The following CDH18 variants were observed in gnomAD, a reference collection of about 807,000 sequenced individuals.
CDH18 encodes cadherin-18.
A neutral mutation model predicts 67.9 loss-of-function variants in CDH18; 31 were observed. That is an observed-to-expected ratio of 0.46 (90% confidence interval 0.34 to 0.62). The LOEUF is 0.62. CDH18 is among the 20% of genes least tolerant of loss of function. The probability of loss-of-function intolerance (pLI) is 0.01; values close to 1 mark genes in which losing one functional copy is unlikely to be tolerated. For missense variants in CDH18, 890 were observed against 975.5 expected, an observed-to-expected ratio of 0.91 and a Z score of 1.17; for synonymous variants, 362 against 347.2, an observed-to-expected ratio of 1.04 and a Z score of -0.48.
chr5:20,348,200 C>T (rs1017264540), intron 1 of CDH18, among the ~76,000 whole-genome samples: 2 of 152,184 alleles, frequency 1.3e-5, no homozygotes, highest in Non-Finnish European at 2.9e-5. Context: ...TAATCTTTCT[C>T]TCAAACCTGT....
rs34718835 is a variant in CDH18, at chr5:20,266,571, A to ATTTTTTTTT, written c.-579-11075_-579-11067dup. 6.5e-3 allele frequency among the ~76,000 whole-genome samples: 385 copies of ATTTTTTTTT among 59,178 alleles called. 18 individuals carry two copies. Among genetic ancestry groups the ATTTTTTTTT allele is most frequent in the African/African-American group, 0.021 (296 of 14,114 alleles). The allele number at this position is 59,178 out of a possible 152,430, so 38.8% of individuals were successfully genotyped here. A position where few individuals can be genotyped will look rare whatever the true frequency, so the allele number is the denominator to read the frequency against. ...GGCACGTGCCGGCACGCCCGGCTGA[A>ATTTTTTTTT]TTTTTTTTTTTTTTTTTTTTTTTTT... On this transcript the variant is annotated intron_variant, in intron 1 of 14. Transcript: ENST00000507958.
At chr5:19,845,763 T>A (rs1439211097) in intron 2 of CDH18, among the ~76,000 whole-genome samples, 1 of 152,004 alleles carries the variant, frequency 6.6e-6, no homozygotes, top group Non-Finnish European at 1.5e-5. Context: ...TGCCCTTATT[T>A]GTCTCTTCCT....
chr5:19,879,658 G>A (rs915420323), intron 2 of CDH18, among the ~76,000 whole-genome samples: 3 of 151,964 alleles, frequency 2.0e-5, no homozygotes, highest in Admixed American at 6.6e-5. Flanking sequence ...AGTTTCAGTT[G>A]AAGTATTTAG....
At chr5:20,359,578 T>C (rs1043424650) in intron 1 of CDH18, among the ~76,000 whole-genome samples, 3 of 152,222 alleles carry the variant, frequency 2.0e-5, no homozygotes, top group Non-Finnish European at 4.4e-5. Flanking sequence ...TGTTAAATTA[T>C]GTGAAGAGAA....
intron 1 of CDH18, among the ~76,000 whole-genome samples, chr5:20,565,563 T>C (rs897171203): frequency 6.6e-6 from 1 of 152,012 alleles, no homozygotes; most frequent in African/African-American, 2.4e-5. Flanking sequence ...CACTACAAAA[T>C]GTTTAAATTG....
At chr5:20,538,731 C>T (rs768498174) in intron 1 of CDH18, among the ~76,000 whole-genome samples, 5 of 151,658 alleles carry the variant, frequency 3.3e-5, no homozygotes, top group Non-Finnish European at 5.9e-5. Flanking sequence ...CTTAAGTCAG[C>T]TTCTCATCTT....
At chr5:19,845,118 C>T (rs1782772300) in intron 2 of CDH18, among the ~76,000 whole-genome samples, 1 of 151,720 alleles carries the variant, frequency 6.6e-6, no homozygotes, top group African/African-American at 2.4e-5. Flanking sequence ...AATATATATC[C>T]AAATTATAGT....
chr5:19,976,314 T>C (rs747270916), intron 2 of CDH18, among the ~76,000 whole-genome samples: 16 of 152,138 alleles, frequency 1.1e-4, no homozygotes, highest in Admixed American at 6.6e-4. Context: ...TCACAGATTC[T>C]GGCAATCTAC....
intron 2 of CDH18, among the ~76,000 whole-genome samples, chr5:19,925,349 G>A (rs1013088218): frequency 6.6e-6 from 1 of 152,102 alleles, no homozygotes; most frequent in Admixed American, 6.5e-5. Flanking sequence ...TGGGTCTTCT[G>A]GTGTTATTCA....
chr5:19,989,715 G>A (rs2150382791), upstream of CDH18, among the ~76,000 whole-genome samples: 1 of 152,264 alleles, frequency 6.6e-6, no homozygotes, highest in East Asian at 1.9e-4. Flanking sequence ...GTTTGAATCG[G>A]CTAAAGTTAT....
chr5:20,415,984 G>T (rs913913385), intron 1 of CDH18, among the ~76,000 whole-genome samples: 7 of 151,848 alleles, frequency 4.6e-5, no homozygotes, highest in Non-Finnish European at 7.4e-5. Context: ...AGAAACTGGG[G>T]CAAGGAAAAA....
At chr5:19,610,587 G>C (rs1312236725) in intron 6 of CDH18, among the ~76,000 whole-genome samples, 2 of 151,886 alleles carry the variant, frequency 1.3e-5, no homozygotes, top group African/African-American at 4.8e-5. Context: ...GTCTATTAAG[G>C]CTACAATATG....
rs183001193 is a variant in CDH18 at position 20,352,407 on chromosome 5, G to T, written c.-579-96902C>A. Among the ~76,000 whole-genome samples the T allele has an allele frequency of 8.6e-3, 1,311 of 151,996 alleles. 12 individuals are homozygous for T. Among genetic ancestry groups the T allele is most frequent in the Non-Finnish European group, 0.012 (795 of 67,956 alleles). On this transcript the variant is annotated intron_variant, in intron 1 of 14. Transcript: ENST00000507958. ...TATACATAGATTTTTGACTGTGTGG[G>T]GGGCCAGCACCCCAAATCTTGGTTG...
At chr5:19,975,496 G>A (rs1798416600) in intron 2 of CDH18, among the ~76,000 whole-genome samples, 1 of 152,056 alleles carries the variant, frequency 6.6e-6, no homozygotes, top group Non-Finnish European at 1.5e-5. Flanking sequence ...TGAAAGGCAA[G>A]GTCTAGGTTG....
At chr5:20,118,333 C>T (rs530301078) in intron 2 of CDH18, among the ~76,000 whole-genome samples, 2 of 152,186 alleles carry the variant, frequency 1.3e-5, no homozygotes, top group East Asian at 3.9e-4. Context: ...CTATTTATAG[C>T]TATTACTTGT....
chr5:20,163,440 CTTGTA>C (rs879429418), intron 2 of CDH18, among the ~76,000 whole-genome samples: 2 of 152,134 alleles, frequency 1.3e-5, no homozygotes, highest in East Asian at 1.9e-4. Flanking sequence ...GCTTCCCTCT[CTTGTA>C]TTGTCTTGTT....
In CDH18 at chr5:20,479,645, C is replaced by A. The variant is rs190656606; in HGVS notation, c.-580+95817G>T. Among the ~76,000 whole-genome samples, 32 of 152,104 alleles carry A rather than the reference C, an allele frequency of 2.1e-4. No homozygotes were observed. In the East Asian group the frequency reaches 5.8e-3, roughly 28 times the overall value. ...AGAAAATAGTCTTAACAGGGCAAAT[C>A]TAGGAGTTATTGGCCTTAAAATTAT... On this transcript the variant is annotated intron_variant, in intron 1 of 14. Coordinates refer to the CDH18 transcript ENST00000507958.
Position 19,838,777 on chromosome 5 carries a change from A to G in CDH18, c.210T>C (p.Asp70=), listed in dbSNP as rs1781948612. 6.2e-7 allele frequency: 1 copy of G among 1,611,290 alleles called. No individual in the cohort carries two copies. ...ATCTTACCTTTCCAACATACTGAGG[A>G]TCTGGTCCCATATGTTCTTCTAAAA... ...FFVLEEHMGP[D]PQYVGKLHSN... is the part of the protein sequence containing the mutation. Residue 70 remains aspartate (D), a synonymous_variant, in exon 3 of 13, where the codon GAT becomes GAC. Transcript: ENST00000382275.
intron 3 of CDH18, among the ~76,000 whole-genome samples, chr5:19,808,976 A>G (rs1258835268): frequency 6.6e-6 from 1 of 152,084 alleles, no homozygotes. Context: ...GTGTGAAAGT[A>G]TCAAAGCATG....
Sources: gnomAD v4.1 joint callset for allele counts (sites outside exome capture counted in the v4.1 genomes callset) on GRCh38, gnomAD v4.1.1 for gene constraint, MANE v1.5 for transcripts, NCBI Gene and HGNC (gene_info 2026-07-23, HGNC 2026-07-21) for gene names.